The following YPEL2 variants were observed in gnomAD, a reference collection of about 807,000 sequenced individuals.
The protein encoded by YPEL2 is protein yippee-like 2.
In YPEL2, 2 loss-of-function variants were observed where a neutral mutation model predicts 19.1. That is an observed-to-expected ratio of 0.10 (90% CI 0.04 to 0.33). YPEL2 has a LOEUF of 0.33. Ranked by LOEUF, YPEL2 falls within the 10% of genes least tolerant of loss-of-function variation. YPEL2 has a pLI of 1.00. For missense variants in YPEL2, 66 were observed against 140.7 expected (o/e 0.47, Z 2.68); for synonymous variants, 52 against 50.0 (o/e 1.04, Z -0.17).
rs141372966 is a variant in YPEL2, at chr17:59,351,022, C to T, written c.-195-2193C>T. Among the ~76,000 whole-genome samples, 11 of 152,290 alleles carry T rather than the reference C, an allele frequency of 7.2e-5. No homozygotes were observed. In the East Asian group the frequency reaches 2.1e-3, roughly 29 times the overall value. On this transcript the variant is annotated intron_variant, in intron 1 of 4. Transcript: ENST00000312655. ...TGTCTTTCCTATTTCCTTACTCTAA[C>T]TCACCACCCCTTCCTTTCCTGGATG...
intron 2 of YPEL2, among the ~76,000 whole-genome samples, chr17:59,364,094 G>A (rs990870605): frequency 4.6e-5 from 7 of 152,128 alleles, no homozygotes; most frequent in Non-Finnish European, 8.8e-5. Context: ...TTATGGTTGC[G>A]TGCACTTTTT....
intron 2 of YPEL2, among the ~76,000 whole-genome samples, chr17:59,369,836 C>A (rs1311946865): frequency 6.6e-6 from 1 of 152,162 alleles, no homozygotes; most frequent in Non-Finnish European, 1.5e-5. Flanking sequence ...TCTTTGGAGG[C>A]CTTCTTTTAA....
intron 2 of YPEL2, among the ~76,000 whole-genome samples, chr17:59,374,895 A>G (rs2047913160): frequency 6.6e-6 from 1 of 152,230 alleles, no homozygotes; most frequent in Admixed American, 6.5e-5. Flanking sequence ...CTACCAAGCT[A>G]CTAAACTGGG....
intron 2 of YPEL2, among the ~76,000 whole-genome samples, chr17:59,365,869 A>G (rs555683232): frequency 6.6e-6 from 1 of 152,084 alleles, no homozygotes; most frequent in South Asian, 2.1e-4. Context: ...AGAAACAACA[A>G]CATCTAATCA....
At chr17:59,384,747 A>G (rs1365144695) in intron 2 of YPEL2, among the ~76,000 whole-genome samples, 1 of 152,212 alleles carries the variant, frequency 6.6e-6, no homozygotes, top group Non-Finnish European at 1.5e-5. Context: ...TTGCTGGGAT[A>G]CCACTGCCCT....
At chr17:59,394,892 G>C (rs1175776455) in intron 4 of YPEL2, among the ~76,000 whole-genome samples, 1 of 152,234 alleles carries the variant, frequency 6.6e-6, no homozygotes, top group East Asian at 1.9e-4. Context: ...CTGGAGACCA[G>C]CCCGGCCAAC....
At chr17:59,336,829 T>C (rs1368496669) in intron 1 of YPEL2, among the ~76,000 whole-genome samples, 1 of 152,206 alleles carries the variant, frequency 6.6e-6, no homozygotes, top group Non-Finnish European at 1.5e-5. Flanking sequence ...TTACATCTAT[T>C]TGAACTGGAA....
chr17:59,379,665 A>C (rs905738191), intron 2 of YPEL2, among the ~76,000 whole-genome samples: 1 of 152,150 alleles, frequency 6.6e-6, no homozygotes, highest in Non-Finnish European at 1.5e-5. Context: ...ATGTTCTGGA[A>C]ATAGTGGTGA....
intron 1 of YPEL2, among the ~76,000 whole-genome samples, chr17:59,349,713 T>C (rs1478238280): frequency 6.6e-6 from 1 of 152,080 alleles, no homozygotes; most frequent in African/African-American, 2.4e-5. Flanking sequence ...CAGACTGGAG[T>C]GCAGTGGCAC....
intron 2 of YPEL2, among the ~76,000 whole-genome samples, chr17:59,374,958 A>C (rs2047913502): frequency 1.3e-5 from 2 of 152,210 alleles, no homozygotes; most frequent in South Asian, 4.1e-4. Context: ...AAGAGCTTTA[A>C]ATCTATGACC....
chr17:59,367,824 C>T (rs906118158), intron 2 of YPEL2, among the ~76,000 whole-genome samples: 5 of 152,158 alleles, frequency 3.3e-5, no homozygotes, highest in Non-Finnish European at 7.3e-5. Context: ...GTGATCAAGC[C>T]AGATAGGGCA....
intron 2 of YPEL2, among the ~76,000 whole-genome samples, chr17:59,387,018 T>A (rs2047983393): frequency 6.6e-6 from 1 of 152,046 alleles, no homozygotes; most frequent in South Asian, 2.1e-4. Flanking sequence ...CCCAGTACTT[T>A]GGGAGGCCGA....
chr17:59,381,615 G>A (rs532170759), intron 2 of YPEL2, among the ~76,000 whole-genome samples: 5 of 152,212 alleles, frequency 3.3e-5, no homozygotes, highest in East Asian at 1.9e-4. Flanking sequence ...CCCAAAATCC[G>A]TGGTTTTGGC....
Position 59,395,053 on chromosome 17 carries a change from C to T in YPEL2, c.271-2048C>T, listed in dbSNP as rs142208423. Among the ~76,000 whole-genome samples the T allele has an allele frequency of 2.2e-3, 330 of 152,322 alleles. 4 individuals carry two copies. Among genetic ancestry groups the T allele is most frequent in the African/African-American group, 6.8e-3 (284 of 41,586 alleles). On this transcript the variant is annotated intron_variant, in intron 4 of 4. Coordinates refer to ENST00000312655, the MANE Select transcript of YPEL2 (RefSeq NM_001005404.4). ...AGATGGCATCAGTACAGTCCAGCTTCGGCTCGGCATCAGAGGGAGACCGTG... is the reference window on the plus strand; with the variant it reads ...AGATGGCATCAGTACAGTCCAGCTTTGGCTCGGCATCAGAGGGAGACCGTG...
At chr17:59,394,678 A>G (rs7216293) in intron 4 of YPEL2, among the ~76,000 whole-genome samples, 80,981 of 150,782 alleles carry the variant, frequency 0.54, 22,259 homozygotes, top group East Asian at 0.66. Flanking sequence ...CTCACTTCCC[A>G]GACGGGGTGG....
In YPEL2 at chr17:59,397,416, C is replaced by A; in HGVS notation, c.*226C>A. ...TGTGAGTTGATCCTGGCTTCTCTCT[C>A]TGTTCTAGTTTTGGCTGAAAACAAA... On this transcript the variant is annotated 3_prime_UTR_variant, in exon 5 of 5. Coordinates refer to ENST00000312655, the MANE Select transcript of YPEL2 (RefSeq NM_001005404.4). The A allele has an allele frequency of 2.7e-6, 1 of 375,778 alleles. No homozygotes were observed. The highest frequency in any genetic ancestry group is 8.8e-5 in the South Asian group (1 of 11,338). 23.3% of individuals were successfully genotyped at this position (375,778 alleles called of 1,614,324 possible).
intron 2 of YPEL2, among the ~76,000 whole-genome samples, chr17:59,376,347 G>A (rs1036972809): frequency 7.2e-5 from 11 of 152,100 alleles, no homozygotes; most frequent in African/African-American, 2.7e-4. Context: ...AACCTCCCTA[G>A]TAGCTGGATT....
intron 1 of YPEL2, among the ~76,000 whole-genome samples, chr17:59,347,436 T>A (rs899196825): frequency 6.6e-6 from 1 of 152,210 alleles, no homozygotes; most frequent in East Asian, 1.9e-4. Context: ...CGGTCCTGTC[T>A]TTTTAACCAC....
chr17:59,333,007 C>T (rs147376754), intron 1 of YPEL2, among the ~76,000 whole-genome samples: 38 of 152,326 alleles, frequency 2.5e-4, no homozygotes, highest in African/African-American at 8.7e-4. Flanking sequence ...GTCAGCTTCC[C>T]TGTGCCTCAC....
Sources: gnomAD v4.1 joint callset for allele counts (sites outside exome capture counted in the v4.1 genomes callset) on GRCh38, gnomAD v4.1.1 for gene constraint, MANE v1.5 for transcripts, NCBI Gene and HGNC (gene_info 2026-07-23, HGNC 2026-07-21) for gene names.